Variants in AFF2 observed in about 807,000 individuals in gnomAD.
AFF2 encodes the protein ALF transcription elongation factor 2.
A neutral mutation model predicts 76.9 loss-of-function variants in AFF2; 14 were observed. That is an observed-to-expected ratio of 0.18 (90% CI 0.12 to 0.28). The LOEUF is 0.28. AFF2 is among the 10% of genes least tolerant of loss of function. AFF2 has a pLI of 1.00. For synonymous variants in AFF2, 398 were observed against 366.7 expected (o/e 1.09, Z -0.98); for missense variants, 868 against 1,001.1 (o/e 0.87, Z 1.79).
At chrX:148,910,819 T>C (rs782272074) in intron 9 of AFF2, among the ~76,000 whole-genome samples, 1 of 111,704 alleles carries the variant, frequency 9.0e-6, no homozygotes, top group Admixed American at 9.5e-5. Flanking sequence ...TGGTACTGAA[T>C]GTGAATTATC....
At chrX:148,513,919 A>G (rs949091863) in intron 1 of AFF2, among the ~76,000 whole-genome samples, 62 of 111,238 alleles carry the variant, frequency 5.6e-4, no homozygotes, top group African/African-American at 1.9e-3. Flanking sequence ...TTCATGGCTC[A>G]TGGTATTTCT....
rs192044449 is a variant in AFF2, at chrX:148,998,418, T to C, written c.*7086T>C. On this transcript the variant is annotated 3_prime_UTR_variant, in exon 21 of 21. Transcript: ENST00000370460. ...ATTAATAAAAATAGATGTGTCCTGA[T>C]TTAAAACATGCCCCCTGGAAAGGCA... 8.0e-5 allele frequency: 9 copies of C among 112,905 alleles called. No individual in the cohort carries two copies. In the East Asian group the frequency reaches 2.5e-3, roughly 31 times the overall value. 9.3% of individuals were successfully genotyped at this position (112,905 alleles called of 1,213,427 possible).
chrX:148,832,215 G>T (rs1557273403), intron 4 of AFF2, among the ~76,000 whole-genome samples: 1 of 111,717 alleles, frequency 9.0e-6, no homozygotes, highest in African/African-American at 3.3e-5. Context: ...AGCAAGGAAG[G>T]GAGGGCCCCT....
chrX:148,719,552 A>G (rs2055067350), intron 3 of AFF2, among the ~76,000 whole-genome samples: 1 of 111,843 alleles, frequency 8.9e-6, no homozygotes, highest in Non-Finnish European at 1.9e-5. Context: ...AAGTGAACAG[A>G]AGAAAACTGA....
chrX:148,734,362 G>A (rs1032604583), intron 3 of AFF2, among the ~76,000 whole-genome samples: 5 of 111,706 alleles, frequency 4.5e-5, no homozygotes, highest in East Asian at 5.7e-4. Context: ...ATTATCTCAT[G>A]TGTACCTCCC....
At chrX:148,536,075 C>T (rs1185594713) in intron 1 of AFF2, among the ~76,000 whole-genome samples, 4 of 109,692 alleles carry the variant, frequency 3.6e-5, no homozygotes, top group Non-Finnish European at 7.6e-5. Flanking sequence ...AAAAATTAGC[C>T]GGGCATGGTG....
At chrX:148,785,974 C>T (rs2069815608) in intron 3 of AFF2, among the ~76,000 whole-genome samples, 2 of 111,575 alleles carry the variant, frequency 1.8e-5, no homozygotes, top group African/African-American at 3.3e-5. Context: ...GTCTCTGTCC[C>T]AGCAAGGTGC....
chrX:148,501,103 T>A lies in AFF2; in HGVS notation c.6T>A (p.Asp2Glu), dbSNP rs1557231768. ...GCCGCCGCCGCCTGGCCGCTATGGA[T>A]CTATTCGACTTTTTCAGAGACTGGG... M[D>E]LFDFFRDWDL... The change falls in exon 1 of 21, where the codon GAT becomes GAA. Residue 2 changes from aspartate to glutamate, a missense_variant. Coordinates refer to ENST00000370460, the MANE Select transcript of AFF2 (RefSeq NM_002025.4). 1 of 1,210,188 alleles carries A rather than the reference T, an allele frequency of 8.3e-7. No homozygotes were observed. Among genetic ancestry groups the A allele is most frequent in the East Asian group, 3.0e-5 (1 of 33,715 alleles).
At chrX:148,653,789 A>G (rs1159357611) in intron 2 of AFF2, among the ~76,000 whole-genome samples, 2 of 111,949 alleles carry the variant, frequency 1.8e-5, no homozygotes, top group Non-Finnish European at 3.8e-5. Flanking sequence ...ATGGTTCCCA[A>G]GTTTTTTATT....
At chrX:148,905,579 G>A (rs1569556872) in intron 9 of AFF2, among the ~76,000 whole-genome samples, 2 of 112,232 alleles carry the variant, frequency 1.8e-5, no homozygotes, top group Non-Finnish European at 3.8e-5. Flanking sequence ...CTTCTTTCCT[G>A]CAGTTCAACT....
At chrX:148,602,339 T>A (rs2124388734) in intron 1 of AFF2, among the ~76,000 whole-genome samples, 1 of 111,474 alleles carries the variant, frequency 9.0e-6, no homozygotes, top group East Asian at 2.8e-4. Context: ...GATTTCATTC[T>A]GAGAGCAGTG....
At chrX:148,609,453 G>C (rs2053705349) in intron 1 of AFF2, among the ~76,000 whole-genome samples, 1 of 111,492 alleles carries the variant, frequency 9.0e-6, no homozygotes, top group African/African-American at 3.3e-5. Flanking sequence ...ATGTACATGG[G>C]TATGTTTCTG....
chrX:148,934,975 A>C (rs1326939946), intron 9 of AFF2, among the ~76,000 whole-genome samples: 1 of 111,549 alleles, frequency 9.0e-6, no homozygotes, highest in Non-Finnish European at 1.9e-5. Flanking sequence ...CTGAATATAC[A>C]TATATGGATG....
intron 3 of AFF2, among the ~76,000 whole-genome samples, chrX:148,757,369 A>G (rs2069386407): frequency 9.0e-6 from 1 of 111,688 alleles, no homozygotes; most frequent in Non-Finnish European, 1.9e-5. Context: ...GAAAAAAGTT[A>G]TCAGATACAT....
chrX:148,579,132 A>G (rs1214179519), intron 1 of AFF2, among the ~76,000 whole-genome samples: 1 of 111,850 alleles, frequency 8.9e-6, no homozygotes, highest in Non-Finnish European at 1.9e-5. Flanking sequence ...TCAGGAATGT[A>G]AGCACTCTTT....
intron 3 of AFF2, among the ~76,000 whole-genome samples, chrX:148,701,012 A>AGAGAGAATG (rs782232655): frequency 1.4e-4 from 10 of 73,737 alleles, no homozygotes; most frequent in African/African-American, 5.8e-4. Flanking sequence ...GAGAGAGAGA[A>AGAGAGAATG]TGTGTGTGTG....
At chrX:148,773,364 G>T (rs1441645920) in intron 3 of AFF2, among the ~76,000 whole-genome samples, 1 of 110,614 alleles carries the variant, frequency 9.0e-6, no homozygotes, top group Non-Finnish European at 1.9e-5. Flanking sequence ...ATATTTCATT[G>T]TGGTTACATC....
chrX:148,733,686 T>G (rs1557264877), intron 3 of AFF2, among the ~76,000 whole-genome samples: 1 of 112,313 alleles, frequency 8.9e-6, no homozygotes. Context: ...CTTTTTTTCC[T>G]TTACAGTGCT....
chrX:148,883,978 GAT>G (rs2071126904), intron 7 of AFF2, among the ~76,000 whole-genome samples: 1 of 33,854 alleles, frequency 3.0e-5, no homozygotes, highest in South Asian at 3.7e-3. Flanking sequence ...GATGTATTGA[GAT>G]ACACACACAC....
Sources: allele counts gnomAD v4.1 joint callset (sites outside exome capture counted in the v4.1 genomes callset), GRCh38; gene constraint gnomAD v4.1.1; transcripts MANE v1.5; gene names NCBI Gene and HGNC (gene_info 2026-07-23, HGNC 2026-07-21).